The following SLMAP variants were observed in gnomAD, a reference collection of about 807,000 sequenced individuals.
SLMAP encodes the protein sarcolemma associated protein, also known as sarcolemmal membrane-associated protein.
Under a neutral mutation model 128.8 loss-of-function variants are expected in SLMAP, and 44 were observed. The observed-to-expected ratio is 0.34, with a 90% CI of 0.27 to 0.44. The LOEUF is 0.44. Ranked by LOEUF, SLMAP falls within the 20% of genes least tolerant of loss-of-function variation. The pLI is 1.00. For synonymous variants in SLMAP, 327 were observed against 348.8 expected (o/e 0.94, Z 0.70); for missense variants, 787 against 985.3 (o/e 0.80, Z 2.69).
chr3:57,925,395 C>G (rs1183498393), intron 23 of SLMAP, among the ~76,000 whole-genome samples: 1 of 150,748 alleles, frequency 6.6e-6, no homozygotes, highest in African/African-American at 2.4e-5. Flanking sequence ...CAGTGGCACT[C>G]TCAGCTCACT....
chr3:57,763,135 C>T (rs1163380422), intron 2 of SLMAP, among the ~76,000 whole-genome samples: 1 of 152,080 alleles, frequency 6.6e-6, no homozygotes, highest in East Asian at 1.9e-4. Context: ...ATTTGGATGG[C>T]CCTATTTGAT....
At chr3:57,883,641 A>G (rs1239757447) in intron 14 of SLMAP, among the ~76,000 whole-genome samples, 1 of 152,184 alleles carries the variant, frequency 6.6e-6, no homozygotes, top group Non-Finnish European at 1.5e-5. Flanking sequence ...CATAAGTCAC[A>G]AGCACAAGAG....
At chr3:57,917,319 A>G (rs896548104) in intron 22 of SLMAP, 5 of 952,376 alleles carry the variant, frequency 5.3e-6, no homozygotes, top group African/African-American at 3.3e-5. Context: ...ATTTTTCTCT[A>G]CCAGTTACTT....
chr3:57,856,852 C>T (rs946828658), intron 6 of SLMAP, among the ~76,000 whole-genome samples: 12 of 152,100 alleles, frequency 7.9e-5, no homozygotes, highest in African/African-American at 2.4e-4. Flanking sequence ...TCCTCAAACA[C>T]GTGAGTAATG....
intron 2 of SLMAP, among the ~76,000 whole-genome samples, chr3:57,792,601 G>A (rs776557035): frequency 4.6e-5 from 7 of 151,852 alleles, no homozygotes; most frequent in Non-Finnish European, 1.0e-4. Context: ...TCTATATTGT[G>A]TGTTCCTTTA....
At chr3:57,838,969 G>GTTTT (rs1335457739) in intron 3 of SLMAP, among the ~76,000 whole-genome samples, 2 of 152,028 alleles carry the variant, frequency 1.3e-5, no homozygotes, top group African/African-American at 4.8e-5. Flanking sequence ...TTGTTTGTTT[G>GTTTT]TTTGTGTTTT....
intron 15 of SLMAP, chr3:57,891,194 G>A (rs1426668607): frequency 2.7e-5 from 4 of 147,756 alleles, no homozygotes; most frequent in South Asian, 4.2e-4. Flanking sequence ...GCACTTTGAA[G>A]TAGAGCCTTA....
intron 2 of SLMAP, among the ~76,000 whole-genome samples, chr3:57,814,786 C>T (rs2091608095): frequency 6.6e-6 from 1 of 151,910 alleles, no homozygotes; most frequent in Non-Finnish European, 1.5e-5. Context: ...CCAACCTGGG[C>T]AACAAAGTGA....
intron 14 of SLMAP, among the ~76,000 whole-genome samples, chr3:57,887,921 G>A (rs2095943146): frequency 6.6e-6 from 1 of 152,112 alleles, no homozygotes; most frequent in Non-Finnish European, 1.5e-5. Flanking sequence ...AGAAGACAGT[G>A]GAATAATGCT....
In SLMAP at chr3:57,830,900, A is replaced by T. The variant is rs2093296727; in HGVS notation, c.199-483A>T. Among the ~76,000 whole-genome samples, 3 of 152,230 alleles carry T rather than the reference A, an allele frequency of 2.0e-5. No individual in the cohort carries two copies. The South Asian group carries it at 6.2e-4, about 31-fold the overall frequency. ...ACGTTCATTCATGTTATAGCATGTT[A>T]TCAATACTTCACCCCTTTATTGCCA... is the stretch of plus-strand genomic sequence containing the variant. On this transcript the variant is annotated intron_variant, in intron 2 of 24. Coordinates refer to ENST00000671191, the MANE Select transcript of SLMAP (RefSeq NM_001377540.1).
At chr3:57,863,336 A>T (rs539025434) in intron 10 of SLMAP, among the ~76,000 whole-genome samples, 51 of 152,336 alleles carry the variant, frequency 3.3e-4, no homozygotes, top group African/African-American at 1.1e-3. Flanking sequence ...TTTAATTCAA[A>T]CTATGGATTG....
intron 17 of SLMAP, chr3:57,901,532 G>A (rs1264819693): frequency 6.6e-6 from 1 of 152,116 alleles, no homozygotes; most frequent in African/African-American, 2.4e-5. Context: ...ACCTAAATCT[G>A]ATCAAGACTC....
At chr3:57,828,585 G>A (rs371397785) in intron 2 of SLMAP, among the ~76,000 whole-genome samples, 1 of 152,102 alleles carries the variant, frequency 6.6e-6, no homozygotes. Context: ...AGATCCTGTA[G>A]GGCTACAATG....
intron 2 of SLMAP, among the ~76,000 whole-genome samples, chr3:57,809,032 G>A (rs2090442856): frequency 6.6e-6 from 1 of 152,078 alleles, no homozygotes; most frequent in South Asian, 2.1e-4. Context: ...TCATGACTAT[G>A]GACCCTGGCC....
In SLMAP at chr3:57,864,707, G is replaced by C; in HGVS notation, c.1126G>C (p.Ala376Pro). Residue 376 changes from alanine (A) to proline (P), a missense_variant, in exon 11 of 25, where the codon GCT becomes CCT. Physicochemically the swap from Ala to Pro is conservative, Grantham distance 27. Around this residue, in one of 2 missense-constraint regions of SLMAP, gnomAD observed 715 missense variants for 843.6 expected, o/e 0.85. Coordinates refer to ENST00000671191, the MANE Select transcript of SLMAP (RefSeq NM_001377540.1). ...DNDFTNERLT[A>P]LQVRLEHLQE... Reference sequence around the variant, plus strand: ...TGATTTCACCAATGAAAGGCTAACAGCTTTACAAGGTAAGTAGCTAATCCA... The same window carrying C: ...TGATTTCACCAATGAAAGGCTAACACCTTTACAAGGTAAGTAGCTAATCCA... The C allele has an allele frequency of 1.9e-6, 3 of 1,591,506 alleles. No homozygotes were observed. Among genetic ancestry groups the C allele is most frequent in the Non-Finnish European group, 2.6e-6 (3 of 1,173,890 alleles).
chr3:57,837,496 G>A (rs535919461), intron 3 of SLMAP, among the ~76,000 whole-genome samples: 2 of 152,250 alleles, frequency 1.3e-5, no homozygotes, highest in South Asian at 4.1e-4. Context: ...AGCCTCCCTA[G>A]TAGCTGGGAC....
chr3:57,824,527 C>T (rs1210936755), intron 2 of SLMAP, among the ~76,000 whole-genome samples: 1 of 152,174 alleles, frequency 6.6e-6, no homozygotes, highest in Non-Finnish European at 1.5e-5. Flanking sequence ...ATTCTTTCCT[C>T]ATTGAATGGA....
intron 2 of SLMAP, among the ~76,000 whole-genome samples, chr3:57,771,064 AT>A (rs2080745331): frequency 1.3e-5 from 2 of 151,728 alleles, no homozygotes; most frequent in South Asian, 2.1e-4. Context: ...CAGATTTCAA[AT>A]TTTCAGATTT....
intron 2 of SLMAP, among the ~76,000 whole-genome samples, chr3:57,805,729 T>G (rs1015714355): frequency 3.3e-5 from 5 of 152,196 alleles, no homozygotes; most frequent in African/African-American, 1.2e-4. Flanking sequence ...TTGTACTGCA[T>G]GATATGTCCT....
Sources: gnomAD v4.1 joint callset for allele counts (sites outside exome capture counted in the v4.1 genomes callset) on GRCh38, gnomAD v4.1.1 for gene constraint, gnomAD v4.1.1 regional missense constraint, MANE v1.5 for transcripts, NCBI Gene and HGNC (gene_info 2026-07-23, HGNC 2026-07-21) for gene names.